Variants in CDH12 observed in about 807,000 individuals in gnomAD.
The protein encoded by CDH12 is cadherin 12.
CDH12 carries 41 observed loss-of-function variants against 74.1 expected under a neutral mutation model. The ratio of observed to expected loss-of-function variants is 0.55; its 90% CI spans 0.43 to 0.72. The LOEUF (loss-of-function observed/expected upper bound fraction) is 0.72. Ranked by LOEUF, CDH12 falls within the 30% of genes least tolerant of loss-of-function variation. CDH12 has a pLI of 0.00. For synonymous variants in CDH12, 399 were observed against 355.0 expected (o/e 1.12, Z -1.39); for missense variants, 945 against 977.2 (o/e 0.97, Z 0.44).
chr5:22,811,730 G>A (rs1212922027), intron 1 of CDH12, among the ~76,000 whole-genome samples: 2 of 152,162 alleles, frequency 1.3e-5, no homozygotes, highest in Non-Finnish European at 2.9e-5. Context: ...GCTAGTAAAA[G>A]CAGGATTGTG....
chr5:22,565,664 T>A (rs796787651), intron 1 of CDH12, among the ~76,000 whole-genome samples: 56 of 152,210 alleles, frequency 3.7e-4, no homozygotes, highest in African/African-American at 1.3e-3. Context: ...TATTTGCCTA[T>A]AATATTATAA....
At chr5:22,479,144 TATC>T (rs2126620224) in intron 2 of CDH12, among the ~76,000 whole-genome samples, 1 of 152,378 alleles carries the variant, frequency 6.6e-6, no homozygotes, top group African/African-American at 2.4e-5. Context: ...GGAAGGTATT[TATC>T]ATCAACATTT....
chr5:21,922,760 G>A (rs1248666866), intron 6 of CDH12, among the ~76,000 whole-genome samples: 1 of 151,970 alleles, frequency 6.6e-6, no homozygotes, highest in Non-Finnish European at 1.5e-5. Context: ...GGCTTCCCGA[G>A]AGACTAAGAT....
chr5:22,276,657 A>G (rs1234303786), intron 3 of CDH12, among the ~76,000 whole-genome samples: 1 of 152,144 alleles, frequency 6.6e-6, no homozygotes, highest in Admixed American at 6.6e-5. Flanking sequence ...AAGTACTAGG[A>G]CTATTTTAAG....
chr5:21,765,021 A>G lies in CDH12; in HGVS notation c.1472T>C (p.Val491Ala), dbSNP rs562261656. Reference protein sequence around the residue: ...DVNEFPPEISVPYETAVCENA... With the variant: ...DVNEFPPEISAPYETAVCENA... ...TTCACACACGGCTGTCTCATATGGC[A>G]CAGATATTTCTGGAGGAAATTCATT... The change falls in exon 12 of 15, where the codon GTG becomes GCG. Residue 491 changes from valine to alanine, a missense_variant. By Grantham distance (64) the Val-to-Ala change is moderately conservative. Transcript: ENST00000382254. The G allele has an allele frequency of 6.2e-7, 1 of 1,613,432 alleles. No individual in the cohort carries two copies. The highest frequency in any genetic ancestry group is 1.7e-5 in the Admixed American group (1 of 59,946).
intron 3 of CDH12, among the ~76,000 whole-genome samples, chr5:22,314,286 T>C (rs1738518461): frequency 6.6e-6 from 1 of 152,302 alleles, no homozygotes; most frequent in African/African-American, 2.4e-5. Context: ...CATCAAAGTC[T>C]CAACCACCAG....
At chr5:21,857,203 G>A (rs1750800007) in intron 6 of CDH12, among the ~76,000 whole-genome samples, 1 of 151,858 alleles carries the variant, frequency 6.6e-6, no homozygotes, top group Non-Finnish European at 1.5e-5. Context: ...AAGAGCAGGA[G>A]GTTGTGGTTG....
chr5:22,113,909 C>T (rs1469108867), intron 4 of CDH12, among the ~76,000 whole-genome samples: 1 of 152,130 alleles, frequency 6.6e-6, no homozygotes, highest in Non-Finnish European at 1.5e-5. Flanking sequence ...TTTCTGCTTA[C>T]TCTGACTTCA....
At chr5:22,734,345 TA>T (rs1744579526) in intron 1 of CDH12, among the ~76,000 whole-genome samples, 1 of 151,698 alleles carries the variant, frequency 6.6e-6, no homozygotes, top group Admixed American at 6.6e-5. Flanking sequence ...AGCAACAACA[TA>T]ATAAAAAAAA....
intron 5 of CDH12, among the ~76,000 whole-genome samples, chr5:22,055,465 T>C (rs1171679279): frequency 6.6e-6 from 1 of 152,176 alleles, no homozygotes; most frequent in Non-Finnish European, 1.5e-5. Flanking sequence ...ACTTTTGTCC[T>C]AAAAGTCTCA....
chr5:21,766,102 C>A (rs1209171630), intron 11 of CDH12, among the ~76,000 whole-genome samples: 1 of 151,954 alleles, frequency 6.6e-6, no homozygotes, highest in African/African-American at 2.4e-5. Flanking sequence ...TTATAATATT[C>A]TTTTAGACAT....
chr5:22,535,937 T>G, intron 1 of CDH12, among the ~76,000 whole-genome samples: 1 of 152,238 alleles, frequency 6.6e-6, no homozygotes, highest in East Asian at 1.9e-4. Flanking sequence ...TTCTTGTTAT[T>G]ATTCCCTAAA....
At chr5:22,778,921 T>C (rs1483962617) in intron 1 of CDH12, among the ~76,000 whole-genome samples, 4 of 152,082 alleles carry the variant, frequency 2.6e-5, no homozygotes, top group African/African-American at 9.7e-5. Context: ...CAATTTTATA[T>C]TTAGAATAAA....
intron 10 of CDH12, among the ~76,000 whole-genome samples, chr5:21,784,953 C>A (rs1296259529): frequency 1.3e-5 from 2 of 152,122 alleles, no homozygotes; most frequent in Non-Finnish European, 2.9e-5. Flanking sequence ...ACTCCTATTG[C>A]CGTTTTTACA....
intron 7 of CDH12, among the ~76,000 whole-genome samples, chr5:21,844,670 G>A (rs1291584480): frequency 6.6e-6 from 1 of 152,038 alleles, no homozygotes. Context: ...TCTTAACTCT[G>A]ATAATACCTA....
chr5:22,036,846 A>G (rs1202211911), intron 5 of CDH12, among the ~76,000 whole-genome samples: 1 of 152,216 alleles, frequency 6.6e-6, no homozygotes, highest in Non-Finnish European at 1.5e-5. Flanking sequence ...GACAGCATTT[A>G]GATAACTCAT....
chr5:21,872,167 G>A (rs966322863), intron 6 of CDH12, among the ~76,000 whole-genome samples: 7 of 152,118 alleles, frequency 4.6e-5, no homozygotes, highest in Admixed American at 2.0e-4. Context: ...CTTGCTCAGC[G>A]TGGGCCCTGA....
intron 1 of CDH12, among the ~76,000 whole-genome samples, chr5:22,514,248 G>A (rs1207851404): frequency 1.3e-5 from 2 of 151,676 alleles, no homozygotes; most frequent in Non-Finnish European, 2.9e-5. Flanking sequence ...AGATAAAATA[G>A]AAAATTAGAA....
intron 5 of CDH12, among the ~76,000 whole-genome samples, chr5:22,011,649 G>A (rs567333302): frequency 1.1e-3 from 162 of 152,046 alleles, no homozygotes; most frequent in Non-Finnish European, 2.0e-3. Flanking sequence ...TGGTTTCAAA[G>A]AATTTTTATT....
Sources: gnomAD v4.1 joint callset for allele counts (sites outside exome capture counted in the v4.1 genomes callset) on GRCh38, gnomAD v4.1.1 for gene constraint, MANE v1.5 for transcripts, NCBI Gene and HGNC (gene_info 2026-07-23, HGNC 2026-07-21) for gene names.